Variants in KDM3B observed in about 807,000 individuals in gnomAD.
The protein encoded by KDM3B is lysine-specific demethylase 3B.
KDM3B carries 10 observed loss-of-function variants against 170.0 expected under a neutral mutation model. The ratio of observed to expected loss-of-function variants is 0.06; its 90% CI spans 0.04 to 0.10. The LOEUF is 0.10. Ranked by LOEUF, KDM3B falls within the 10% of genes least tolerant of loss-of-function variation. The probability of loss-of-function intolerance (pLI) is 1.00; values close to 1 mark genes in which losing one functional copy is unlikely to be tolerated. For missense variants in KDM3B, 1,394 were observed against 2,195.2 expected, an observed-to-expected ratio of 0.64 and a Z score of 7.29; for synonymous variants, 831 against 834.8, an observed-to-expected ratio of 1.00 and a Z score of 0.08.
In KDM3B at chr5:138,386,503, C is replaced by T. The variant is rs1360871003; in HGVS notation, c.1262C>T (p.Ala421Val). The T allele has an allele frequency of 1.2e-6, 2 of 1,614,158 alleles. No individual in the cohort carries two copies. The highest frequency in any genetic ancestry group is 1.1e-5 in the South Asian group (1 of 91,082). Residue 421 changes from alanine to valine, a missense_variant, in exon 7 of 24, where the codon GCA becomes GTA. Physicochemically the swap from Ala to Val is moderately conservative, Grantham distance 64. Coordinates refer to ENST00000314358, the MANE Select transcript of KDM3B (RefSeq NM_016604.4). ...EQVGQGIVASAAVVTTASSTP... is the reference protein window; with the variant it reads ...EQVGQGIVASVAVVTTASSTP... ...GTTGGCCAGGGCATAGTGGCTTCCG[C>T]AGCTGTGGTCACTACCGCCAGCTCC...
chr5:138,428,776 G>A (rs542898271), intron 20 of KDM3B, among the ~76,000 whole-genome samples: 2 of 152,038 alleles, frequency 1.3e-5, no homozygotes, highest in East Asian at 3.9e-4. Context: ...ATAAAGCCAG[G>A]ACCTTCATAA....
Position 138,417,617 on chromosome 5 carries a change from T to C in KDM3B, c.3435+7T>C. On this transcript the variant is annotated splice_region_variant and intron_variant, in intron 13 of 23. Transcript: ENST00000314358. ...CACCAATGGGATGTCACAGGTAAAC[T>C]GGTGTGTGTGGGTATAACTAAGTGA... The C allele has an allele frequency of 6.2e-7, 1 of 1,613,748 alleles. No homozygotes were observed. The highest frequency in any genetic ancestry group is 1.7e-4 in the Middle Eastern group (1 of 6,054).
rs1763337929 is a variant in KDM3B at position 138,424,155 on chromosome 5, T to C, written c.4053T>C (p.Asp1351=). 1 of 1,613,824 alleles carries C rather than the reference T, an allele frequency of 6.2e-7. No homozygotes were observed. Among genetic ancestry groups the C allele is most frequent in the East Asian group, 2.2e-5 (1 of 44,880 alleles). Residue 1351 remains aspartate, a synonymous_variant, in exon 16 of 24, where the codon GAT becomes GAC. Coordinates refer to ENST00000314358, the MANE Select transcript of KDM3B (RefSeq NM_016604.4). ...ASVVENKKTS[D]ASKRACNLTD... is the part of the protein sequence containing the mutation. ...TGGTAGAAAATAAGAAAACCTCAGATGCTTCAAAGCGGGCCTGCAACTTGA... is the reference window on the plus strand; with the variant it reads ...TGGTAGAAAATAAGAAAACCTCAGACGCTTCAAAGCGGGCCTGCAACTTGA...
intron 12 of KDM3B, 114 bp from the exon 13 acceptor site, chr5:138,417,369 C>T (rs911629358): frequency 5.2e-5 from 53 of 1,028,602 alleles, no homozygotes; most frequent in Non-Finnish European, 7.1e-5. Flanking sequence ...AAAGCAGCTA[C>T]GTTATTGAAA....
chr5:138,358,306 C>T (rs10058613), intron 1 of KDM3B, among the ~76,000 whole-genome samples: 74,195 of 107,778 alleles, frequency 0.69, 26,359 homozygotes, highest in South Asian at 0.85. Flanking sequence ...TTCTTTCTTT[C>T]TTTTTTTTTT....
intron 11 of KDM3B, among the ~76,000 whole-genome samples, chr5:138,402,912 G>C (rs1468953186): frequency 6.6e-6 from 1 of 152,184 alleles, no homozygotes; most frequent in Non-Finnish European, 1.5e-5. Context: ...GAAAAGGCTG[G>C]AACTCTCTAC....
intron 1 of KDM3B, among the ~76,000 whole-genome samples, chr5:138,358,213 C>A (rs1451513633): frequency 6.6e-6 from 1 of 151,688 alleles, no homozygotes; most frequent in African/African-American, 2.4e-5. Flanking sequence ...GAACTCCTGA[C>A]CTTAGGTGAT....
chr5:138,361,235 G>A (rs750928652), intron 1 of KDM3B, among the ~76,000 whole-genome samples: 10 of 152,038 alleles, frequency 6.6e-5, no homozygotes, highest in African/African-American at 1.2e-4. Context: ...CCCCTGGTGC[G>A]AAAGCATCAT....
At chr5:138,375,066 T>C in intron 2 of KDM3B, 27 bp from the exon 3 acceptor site, 1 of 1,241,802 alleles carries the variant, frequency 8.1e-7, no homozygotes. Flanking sequence ...CAAGTTCTAA[T>C]CAATTTCTTG....
chr5:138,400,896 CTTT>C (rs554180552), intron 11 of KDM3B, among the ~76,000 whole-genome samples: 1 of 146,698 alleles, frequency 6.8e-6, no homozygotes, highest in Admixed American at 6.8e-5. Context: ...ACTTTTTTCT[CTTT>C]TTTTTTTTTG....
At chr5:138,434,219 T>G (rs1044529516) in intron 23 of KDM3B, among the ~76,000 whole-genome samples, 1 of 152,054 alleles carries the variant, frequency 6.6e-6, no homozygotes, top group African/African-American at 2.4e-5. Context: ...ATCACCCCAC[T>G]ACACTCCAGC....
intron 1 of KDM3B, among the ~76,000 whole-genome samples, chr5:138,359,670 GT>G (rs1400467440): frequency 2.6e-5 from 4 of 152,024 alleles, no homozygotes; most frequent in African/African-American, 9.7e-5. Flanking sequence ...TGAGTGACCA[GT>G]TGTGGCAACA....
intron 20 of KDM3B, among the ~76,000 whole-genome samples, chr5:138,428,812 G>A (rs1178283296): frequency 1.3e-5 from 2 of 152,006 alleles, no homozygotes; most frequent in African/African-American, 4.8e-5. Flanking sequence ...GTGATATTTT[G>A]CTGTATTTAT....
chr5:138,377,860 A>C, intron 4 of KDM3B, 35 bp downstream of exon 4: 1 of 1,407,308 alleles, frequency 7.1e-7, no homozygotes, highest in South Asian at 1.2e-5. Context: ...CTGAACTCTG[A>C]TTCAGGTGAA....
intron 11 of KDM3B, among the ~76,000 whole-genome samples, chr5:138,410,647 C>T (rs1762941672): frequency 6.6e-6 from 1 of 152,114 alleles, no homozygotes; most frequent in Non-Finnish European, 1.5e-5. Flanking sequence ...GCACGGAGAC[C>T]AGTAGTGGCC....
At chr5:138,405,855 T>G (rs1762805512) in intron 11 of KDM3B, among the ~76,000 whole-genome samples, 1 of 152,206 alleles carries the variant, frequency 6.6e-6, no homozygotes, top group South Asian at 2.1e-4. Context: ...TATAGTTTTG[T>G]AAGGATCTTA....
chr5:138,431,782 G>A (rs992404218), intron 23 of KDM3B, among the ~76,000 whole-genome samples: 16 of 151,814 alleles, frequency 1.1e-4, no homozygotes, highest in East Asian at 5.8e-4. Context: ...GCATGATGGC[G>A]CATGCCTGTA....
intron 17 of KDM3B, 161 bp downstream of exon 17, chr5:138,425,743 C>G (rs1013291384): frequency 1.6e-6 from 1 of 627,822 alleles, no homozygotes; most frequent in Non-Finnish European, 2.6e-6. Context: ...CGTGGTTGCT[C>G]GCTCCTGTAA....
At chr5:138,360,516 A>C (rs1761569286) in intron 1 of KDM3B, among the ~76,000 whole-genome samples, 1 of 109,764 alleles carries the variant, frequency 9.1e-6, no homozygotes, top group Admixed American at 1.0e-4. Context: ...ATTTTTTAAA[A>C]AAAGATTGTG....
Sources: gnomAD v4.1 joint callset for allele counts (sites outside exome capture counted in the v4.1 genomes callset) on GRCh38, gnomAD v4.1.1 for gene constraint, MANE v1.5 for transcripts, NCBI Gene and HGNC (gene_info 2026-07-23, HGNC 2026-07-21) for gene names.